DIAPH3: variants seen among roughly 807,000 people sequenced by gnomAD.
The protein encoded by DIAPH3 is diaphanous related formin 3.
Under a neutral mutation model 144.3 loss-of-function variants are expected in DIAPH3, and 117 were observed. That is an observed-to-expected ratio of 0.81 (90% CI 0.70 to 0.95). The LOEUF is 0.95. Among genes scored for constraint, DIAPH3 ranks in the 40% least tolerant of loss-of-function variants. DIAPH3 has a pLI of 0.00. For missense variants in DIAPH3, 1,421 were observed against 1,412.7 expected (o/e 1.01, Z -0.09); for synonymous variants, 519 against 488.9 (o/e 1.06, Z -0.81).
chr13:59,699,364 T>G (rs771592570), intron 27 of DIAPH3, among the ~76,000 whole-genome samples: 38 of 152,306 alleles, frequency 2.5e-4, no homozygotes, highest in Admixed American at 9.2e-4. Flanking sequence ...AATAGCAAGA[T>G]GGCTGGGACA....
intron 25 of DIAPH3, among the ~76,000 whole-genome samples, chr13:59,781,504 T>A (rs1171030281): frequency 2.0e-5 from 3 of 152,126 alleles, no homozygotes; most frequent in African/African-American, 7.2e-5. Context: ...GCAAAAGGAA[T>A]TCCCAGGATG....
At position 59,826,264 on chromosome 13, in the gene DIAPH3, T is replaced by C. The variant is rs1016413318; in HGVS notation, c.3027+6843A>G. On this transcript the variant is annotated intron_variant, in intron 24 of 27. Transcript: ENST00000400324. ...TTGTCCCTGTTTGCAGATGACATGATTGTATATCTAGAAAACCCCATCGTC... is the reference window on the plus strand; with the variant it reads ...TTGTCCCTGTTTGCAGATGACATGACTGTATATCTAGAAAACCCCATCGTC... 1.4e-3 allele frequency among the ~76,000 whole-genome samples: 128 copies of C among 92,060 alleles called. 1 individual carries two copies. Among genetic ancestry groups the C allele is most frequent in the Non-Finnish European group, 1.4e-3 (55 of 40,318 alleles). 60.4% of individuals were successfully genotyped at this position (92,060 alleles called of 152,430 possible). A position where few individuals can be genotyped will look rare whatever the true frequency, so the allele number is the denominator to read the frequency against.
intron 27 of DIAPH3, among the ~76,000 whole-genome samples, chr13:59,691,217 T>G (rs2033500324): frequency 6.6e-6 from 1 of 152,172 alleles, no homozygotes; most frequent in Admixed American, 6.6e-5. Flanking sequence ...TTATCTTATC[T>G]TTTTGGATTT....
intron 17 of DIAPH3, among the ~76,000 whole-genome samples, chr13:59,945,531 T>C (rs979551654): frequency 2.6e-5 from 4 of 151,924 alleles, no homozygotes; most frequent in Non-Finnish European, 4.4e-5. Flanking sequence ...TGCTTACTGA[T>C]AGCAGATAGC....
At chr13:59,788,706 T>G (rs2139386229) in intron 25 of DIAPH3, among the ~76,000 whole-genome samples, 1 of 152,316 alleles carries the variant, frequency 6.6e-6, no homozygotes, top group Admixed American at 6.5e-5. Context: ...ATATTTAAAT[T>G]ATTGATATGG....
At chr13:59,783,414 T>A (rs140613115) in intron 25 of DIAPH3, among the ~76,000 whole-genome samples, 2 of 152,152 alleles carry the variant, frequency 1.3e-5, no homozygotes, top group African/African-American at 4.8e-5. Flanking sequence ...TATGTTAAGT[T>A]GAAATGTTCA....
chr13:59,667,856 C>A (rs2138572698), intron 27 of DIAPH3, among the ~76,000 whole-genome samples: 1 of 152,264 alleles, frequency 6.6e-6, no homozygotes, highest in South Asian at 2.1e-4. Flanking sequence ...GACTTTGGAG[C>A]ACAAGCAGTC....
chr13:60,079,624 G>T (rs1310260729), intron 4 of DIAPH3, among the ~76,000 whole-genome samples: 1 of 151,578 alleles, frequency 6.6e-6, no homozygotes, highest in African/African-American at 2.4e-5. Flanking sequence ...ACACAAAAAT[G>T]GTTATCACAG....
chr13:60,010,416 C>G (rs907447198), intron 8 of DIAPH3, 117 bp downstream of exon 8: 1 of 1,121,258 alleles, frequency 8.9e-7, no homozygotes, highest in Non-Finnish European at 1.3e-6. Flanking sequence ...CTTAAATATA[C>G]CTCAACATTT....
At chr13:60,091,926 T>C (rs2057949416) in intron 4 of DIAPH3, among the ~76,000 whole-genome samples, 1 of 152,038 alleles carries the variant, frequency 6.6e-6, no homozygotes, top group Admixed American at 6.6e-5. Flanking sequence ...CACTGCAGCC[T>C]CGAACTCCTG....
chr13:59,755,138 A>G (rs1298509096), intron 27 of DIAPH3, among the ~76,000 whole-genome samples: 1 of 152,158 alleles, frequency 6.6e-6, no homozygotes, highest in Non-Finnish European at 1.5e-5. Context: ...TTAGAGTTCA[A>G]ACTACATGGT....
chr13:59,667,991 G>T (rs2032121136), intron 27 of DIAPH3, among the ~76,000 whole-genome samples: 1 of 152,198 alleles, frequency 6.6e-6, no homozygotes, highest in Non-Finnish European at 1.5e-5. Flanking sequence ...TCCAGTGATG[G>T]ATGAGGATTT....
At chr13:59,978,500 T>C (rs1398794826) in intron 14 of DIAPH3, among the ~76,000 whole-genome samples, 2 of 151,512 alleles carry the variant, frequency 1.3e-5, no homozygotes, top group East Asian at 3.9e-4. Context: ...ATTTCGGGAC[T>C]TAAGATAAAA....
At chr13:60,114,696 C>A (rs1160901838) in intron 2 of DIAPH3, among the ~76,000 whole-genome samples, 2 of 151,510 alleles carry the variant, frequency 1.3e-5, no homozygotes, top group African/African-American at 4.9e-5. Context: ...CACCTACCTA[C>A]CCCTAAGCAC....
At chr13:59,881,911 T>G (rs1310619018) in intron 20 of DIAPH3, among the ~76,000 whole-genome samples, 1 of 152,158 alleles carries the variant, frequency 6.6e-6, no homozygotes, top group Non-Finnish European at 1.5e-5. Flanking sequence ...ATAAATAAAA[T>G]TATTGAGTGG....
chr13:60,099,627 C>G (rs989395627), intron 3 of DIAPH3, among the ~76,000 whole-genome samples: 1 of 152,154 alleles, frequency 6.6e-6, no homozygotes, highest in East Asian at 1.9e-4. Context: ...GTCGAAAAAT[C>G]GTTAAATCGA....
chr13:60,157,745 T>C (rs903156518), intron 1 of DIAPH3, among the ~76,000 whole-genome samples: 2 of 152,160 alleles, frequency 1.3e-5, no homozygotes, highest in Non-Finnish European at 2.9e-5. Flanking sequence ...GCTTTTTGTG[T>C]TTGTTTTAGC....
At chr13:60,045,092 A>G (rs899603474) in intron 4 of DIAPH3, among the ~76,000 whole-genome samples, 2 of 152,284 alleles carry the variant, frequency 1.3e-5, no homozygotes, top group Admixed American at 1.3e-4. Context: ...CTGTAATCCC[A>G]GCACTTTGGG....
intron 1 of DIAPH3, among the ~76,000 whole-genome samples, chr13:60,154,857 C>A (rs1566831843): frequency 6.6e-6 from 1 of 152,136 alleles, no homozygotes; most frequent in African/African-American, 2.4e-5. Context: ...CTTTAGCATT[C>A]ATTTGATTCC....
Sources: gnomAD v4.1 joint callset for allele counts (sites outside exome capture counted in the v4.1 genomes callset) on GRCh38, gnomAD v4.1.1 for gene constraint, MANE v1.5 for transcripts, NCBI Gene and HGNC (gene_info 2026-07-23, HGNC 2026-07-21) for gene names.